NELL2: variants seen among roughly 807,000 people sequenced by gnomAD.
NELL2 encodes the protein neural EGFL like 2, also known as protein kinase C-binding protein NELL2.
Under a neutral mutation model 109.6 loss-of-function variants are expected in NELL2, and 41 were observed. The ratio of observed to expected loss-of-function variants is 0.37; its 90% CI spans 0.29 to 0.49. The LOEUF (loss-of-function observed/expected upper bound fraction) is 0.49. Ranked by LOEUF, NELL2 falls within the 20% of genes least tolerant of loss-of-function variation. The pLI is 0.98. For missense variants in NELL2, 900 were observed against 1,008.3 expected (o/e 0.89, Z 1.45); for synonymous variants, 355 against 344.7 (o/e 1.03, Z -0.33).
intron 2 of NELL2, among the ~76,000 whole-genome samples, chr12:44,817,835 C>T (rs1460390947): frequency 6.6e-6 from 1 of 152,154 alleles, no homozygotes; most frequent in Non-Finnish European, 1.5e-5. Flanking sequence ...GAAATGATCC[C>T]TCCCCACTCT....
At chr12:44,727,165 C>T (rs1374507545) in intron 9 of NELL2, among the ~76,000 whole-genome samples, 1 of 152,014 alleles carries the variant, frequency 6.6e-6, no homozygotes, top group Non-Finnish European at 1.5e-5. Flanking sequence ...ACTGGACTTG[C>T]ACATAAAAAT....
intron 15 of NELL2, among the ~76,000 whole-genome samples, chr12:44,559,773 G>A (rs1033208663): frequency 3.3e-5 from 5 of 152,100 alleles, no homozygotes; most frequent in African/African-American, 1.2e-4. Context: ...AGATCAATGA[G>A]ACAGAAAATT....
Position 44,876,269 on chromosome 12 carries a change from C to G in NELL2, c.-400G>C. The G allele has an allele frequency of 2.6e-6, 3 of 1,157,906 alleles. No individual in the cohort carries two copies. The highest frequency in any genetic ancestry group is 3.2e-6 in the Non-Finnish European group (3 of 938,316). The allele number at this position is 1,157,906 out of a possible 1,614,324, so 71.7% of individuals were successfully genotyped here. On this transcript the variant is annotated 5_prime_UTR_variant, in exon 1 of 20. Coordinates refer to ENST00000429094, the MANE Select transcript of NELL2 (RefSeq NM_001145108.2). ...GCCCGGGCTGGGGCGGCCCCGCACC[C>G]CCCCGTCTTCCCCGCCGCCCGAACC...
chr12:44,876,818 C>G (rs145993744), upstream of NELL2: 4,960 of 1,343,048 alleles, frequency 3.7e-3, 15 homozygotes, highest in Non-Finnish European at 4.4e-3. Flanking sequence ...ACACGCTGCA[C>G]TGCCGAGGTG....
chr12:44,705,296 T>C (rs1345877896), intron 11 of NELL2, among the ~76,000 whole-genome samples: 1 of 151,970 alleles, frequency 6.6e-6, no homozygotes, highest in Non-Finnish European at 1.5e-5. Context: ...AATAATACCA[T>C]TAAAAAAGAA....
intron 9 of NELL2, among the ~76,000 whole-genome samples, chr12:44,757,679 T>C (rs1003731380): frequency 2.6e-5 from 4 of 152,134 alleles, no homozygotes; most frequent in Non-Finnish European, 4.4e-5. Flanking sequence ...GAGAATAATA[T>C]GGTAATAGGT....
Position 44,856,753 on chromosome 12 carries a change from T to C in NELL2, c.184+18472A>G, listed in dbSNP as rs571103395. Reference sequence around the variant, plus strand: ...GGGAGTGGGAGTGTGCAGGTAAGACTTTATAGGGCATAATAAGAACTCTGT... The same window carrying C: ...GGGAGTGGGAGTGTGCAGGTAAGACCTTATAGGGCATAATAAGAACTCTGT... On this transcript the variant is annotated intron_variant, in intron 2 of 19. Transcript: ENST00000429094. 1.3e-3 allele frequency among the ~76,000 whole-genome samples: 205 copies of C among 152,242 alleles called. 1 individual carries two copies. The highest frequency in any genetic ancestry group is 4.9e-3 in the African/African-American group (202 of 41,542).
intron 15 of NELL2, among the ~76,000 whole-genome samples, chr12:44,569,883 T>C (rs1285074339): frequency 2.0e-5 from 3 of 152,160 alleles, no homozygotes; most frequent in Non-Finnish European, 4.4e-5. Flanking sequence ...GGAAATTAGC[T>C]ACAATTTCCA....
At chr12:44,806,003 T>C (rs953845511) in intron 3 of NELL2, among the ~76,000 whole-genome samples, 10 of 152,008 alleles carry the variant, frequency 6.6e-5, no homozygotes, top group African/African-American at 2.4e-4. Flanking sequence ...CCTTCTCTTT[T>C]TTTATATATA....
At chr12:44,610,092 GA>G (rs1274472942) in intron 14 of NELL2, among the ~76,000 whole-genome samples, 1 of 151,778 alleles carries the variant, frequency 6.6e-6, no homozygotes, top group Non-Finnish European at 1.5e-5. Flanking sequence ...TCTACTGATG[GA>G]AAAAGAAATC....
At chr12:44,734,166 T>C (rs990561184) in intron 9 of NELL2, among the ~76,000 whole-genome samples, 1 of 152,024 alleles carries the variant, frequency 6.6e-6, no homozygotes. Flanking sequence ...TTTGAGGCTA[T>C]ATTATTAGGT....
At chr12:44,528,476 G>A (rs1032896001) in intron 16 of NELL2, among the ~76,000 whole-genome samples, 3 of 152,142 alleles carry the variant, frequency 2.0e-5, no homozygotes, top group African/African-American at 4.8e-5. Flanking sequence ...TCCAGTATAT[G>A]TCATACTAAT....
chr12:44,907,342 G>T (rs898672319), intron 1 of NELL2, among the ~76,000 whole-genome samples: 3 of 152,210 alleles, frequency 2.0e-5, no homozygotes, highest in Admixed American at 6.5e-5. Context: ...AACATTAAAA[G>T]CTCTGAAAGA....
chr12:44,829,849 G>A (rs1188506462), intron 2 of NELL2, among the ~76,000 whole-genome samples: 1 of 152,112 alleles, frequency 6.6e-6, no homozygotes. Flanking sequence ...TATTAAGATA[G>A]TAACCATTAA....
intron 3 of NELL2, among the ~76,000 whole-genome samples, chr12:44,800,936 C>T (rs994428317): frequency 6.6e-5 from 10 of 152,136 alleles, no homozygotes; most frequent in Non-Finnish European, 1.3e-4. Flanking sequence ...CATGGGTCAT[C>T]ATGCCTCCCC....
chr12:44,666,500 T>C (rs557447480), intron 12 of NELL2, among the ~76,000 whole-genome samples: 30 of 152,324 alleles, frequency 2.0e-4, no homozygotes, highest in African/African-American at 6.7e-4. Flanking sequence ...ATTTATACTG[T>C]TAAGAGAAAT....
At chr12:44,875,455 T>G in intron 1 of NELL2, 102 bp from the exon 2 acceptor site, 2 of 1,613,962 alleles carry the variant, frequency 1.2e-6, no homozygotes, top group Non-Finnish European at 1.7e-6. Flanking sequence ...CGCGACAATA[T>G]TGGGAACTGA....
At chr12:44,875,003 T>C (rs1460071518) in intron 2 of NELL2, 1 of 526,594 alleles carries the variant, frequency 1.9e-6, no homozygotes, top group East Asian at 3.1e-5. Flanking sequence ...GACTATCCAT[T>C]AGAACTGGCA....
chr12:44,776,218 G>T, intron 7 of NELL2, 68 bp from the exon 8 acceptor site: 1 of 1,561,670 alleles, frequency 6.4e-7, no homozygotes, highest in Non-Finnish European at 8.7e-7. Flanking sequence ...GAAACACTCC[G>T]CAGGTATCTT....
Sources: allele counts gnomAD v4.1 joint callset (sites outside exome capture counted in the v4.1 genomes callset), GRCh38; gene constraint gnomAD v4.1.1; transcripts MANE v1.5; gene names NCBI Gene and HGNC (gene_info 2026-07-23, HGNC 2026-07-21).